Variants in TENM4 observed in about 807,000 individuals in gnomAD.
TENM4 encodes the protein teneurin-4.
Under a neutral mutation model 243.3 loss-of-function variants are expected in TENM4, and 82 were observed. That is an observed-to-expected ratio of 0.34 (90% CI 0.28 to 0.40). The LOEUF is 0.40. TENM4 is among the 10% of genes least tolerant of loss of function. TENM4 has a pLI of 1.00. For missense variants in TENM4, 3,138 were observed against 3,673.3 expected, an observed-to-expected ratio of 0.85 and a Z score of 3.77; for synonymous variants, 1,412 against 1,456.3, an observed-to-expected ratio of 0.97 and a Z score of 0.69.
intron 2 of TENM4, among the ~76,000 whole-genome samples, chr11:79,224,296 G>T (rs573841587): frequency 6.6e-6 from 1 of 152,272 alleles, no homozygotes; most frequent in South Asian, 2.1e-4. Context: ...TCAGGGCTGG[G>T]CACCTTAACA....
intron 10 of TENM4, 59 bp downstream of exon 10, chr11:78,862,903 C>G: frequency 3.0e-6 from 4 of 1,325,570 alleles, no homozygotes; most frequent in South Asian, 4.5e-5. Context: ...TTATGGAGGG[C>G]TCTTCAGCTC....
intron 1 of TENM4, among the ~76,000 whole-genome samples, chr11:79,389,589 C>T (rs1407077350): frequency 6.6e-6 from 1 of 152,224 alleles, no homozygotes; most frequent in African/African-American, 2.4e-5. Context: ...AAACTATGGG[C>T]CTCAGGCCAA....
At chr11:79,031,434 G>A (rs894413292) in intron 6 of TENM4, among the ~76,000 whole-genome samples, 2 of 152,110 alleles carry the variant, frequency 1.3e-5, no homozygotes, top group Non-Finnish European at 2.9e-5. Context: ...GAGTCAGCAG[G>A]GAAAGGAGCT....
At chr11:79,268,439 T>G (rs1443726185) in intron 2 of TENM4, among the ~76,000 whole-genome samples, 2 of 152,234 alleles carry the variant, frequency 1.3e-5, no homozygotes, top group Non-Finnish European at 2.9e-5. Flanking sequence ...ACTTCTTCTC[T>G]TTAAATCTTA....
At chr11:79,202,711 G>A (rs1173469799) in intron 3 of TENM4, among the ~76,000 whole-genome samples, 1 of 152,184 alleles carries the variant, frequency 6.6e-6, no homozygotes, top group African/African-American at 2.4e-5. Flanking sequence ...CACTGTGAGT[G>A]CTGGACATTC....
chr11:79,007,046 G>T (rs1858503082), intron 6 of TENM4, among the ~76,000 whole-genome samples: 1 of 152,164 alleles, frequency 6.6e-6, no homozygotes, highest in Non-Finnish European at 1.5e-5. Flanking sequence ...GATGGCCTTT[G>T]GACTTGGACG....
intron 1 of TENM4, among the ~76,000 whole-genome samples, chr11:79,363,850 A>G (rs750286605): frequency 2.6e-5 from 4 of 152,226 alleles, no homozygotes; most frequent in African/African-American, 9.6e-5. Flanking sequence ...TCATACACCA[A>G]TCTTTGCTAC....
At position 78,874,151 on chromosome 11, in the gene TENM4, C is replaced by A. The variant is rs567405830; in HGVS notation, c.1085-11019G>T. 3.3e-5 allele frequency among the ~76,000 whole-genome samples: 5 copies of A among 152,188 alleles called. No homozygotes were observed. The East Asian group carries it at 9.7e-4, about 29-fold the overall frequency. ...AGGCTTAGTACCCAGTGGAACAGAT[C>A]TGTAGAGAGACAGTAAGGCTCCCAG... is the stretch of plus-strand genomic sequence containing the variant. On this transcript the variant is annotated intron_variant, in intron 9 of 33. Coordinates refer to ENST00000278550, the MANE Select transcript of TENM4 (RefSeq NM_001098816.3).
At chr11:79,015,344 A>C (rs549950872) in intron 6 of TENM4, among the ~76,000 whole-genome samples, 67 of 152,354 alleles carry the variant, frequency 4.4e-4, no homozygotes, top group Admixed American at 4.2e-3. Flanking sequence ...CGCAGGAATT[A>C]TTCTCCAATG....
chr11:78,676,040 C>G, intron 30 of TENM4, 112 bp downstream of exon 30: 1 of 1,061,746 alleles, frequency 9.4e-7, no homozygotes, highest in East Asian at 2.6e-5. Flanking sequence ...TAGTTCTCCC[C>G]TTTTGCAGAT....
At chr11:78,795,268 T>A (rs76547003) in intron 15 of TENM4, among the ~76,000 whole-genome samples, 1,665 of 152,232 alleles carry the variant, frequency 0.011, 24 homozygotes, top group African/African-American at 0.037. Flanking sequence ...CCTGCCATCA[T>A]CAAATTAATC....
chr11:79,007,133 A>G (rs1177727805), intron 6 of TENM4, among the ~76,000 whole-genome samples: 1 of 152,202 alleles, frequency 6.6e-6, no homozygotes, highest in Non-Finnish European at 1.5e-5. Context: ...CATGTGAGCC[A>G]ATTCTTTAAA....
At chr11:79,397,700 G>GA (rs1348678360) in intron 1 of TENM4, among the ~76,000 whole-genome samples, 2 of 152,188 alleles carry the variant, frequency 1.3e-5, no homozygotes, top group Non-Finnish European at 2.9e-5. Context: ...CTCAGGTCTG[G>GA]GGGATCACAG....
chr11:79,432,943 T>A (rs566046492), intron 1 of TENM4, among the ~76,000 whole-genome samples: 1 of 152,136 alleles, frequency 6.6e-6, no homozygotes, highest in Non-Finnish European at 1.5e-5. Context: ...ACAGAAAGCA[T>A]TGAGTATGTG....
chr11:79,382,499 TC>T (rs1173031650), intron 1 of TENM4, among the ~76,000 whole-genome samples: 2 of 152,052 alleles, frequency 1.3e-5, no homozygotes, highest in Admixed American at 6.6e-5. Flanking sequence ...GCATCTGCAA[TC>T]CCCCATGCCC....
intron 2 of TENM4, among the ~76,000 whole-genome samples, chr11:79,273,154 A>G (rs989583993): frequency 6.6e-6 from 1 of 152,164 alleles, no homozygotes; most frequent in African/African-American, 2.4e-5. Context: ...TAGTTTCTCC[A>G]TCTGTAAAAT....
At chr11:78,767,669 A>G (rs1856566338) in intron 18 of TENM4, among the ~76,000 whole-genome samples, 1 of 152,238 alleles carries the variant, frequency 6.6e-6, no homozygotes, top group South Asian at 2.1e-4. Context: ...ACTCAACATT[A>G]AACTCTGTTA....
intron 6 of TENM4, among the ~76,000 whole-genome samples, chr11:79,016,652 C>T (rs1858782551): frequency 1.3e-5 from 2 of 152,142 alleles, no homozygotes; most frequent in Admixed American, 1.3e-4. Flanking sequence ...AAGGTGGAAA[C>T]TCTTAAATAA....
intron 3 of TENM4, among the ~76,000 whole-genome samples, chr11:79,181,906 T>C (rs984957814): frequency 2.7e-5 from 4 of 150,348 alleles, no homozygotes; most frequent in African/African-American, 9.8e-5. Flanking sequence ...ATGTACAATA[T>C]CTATATGAGG....
Sources: allele counts gnomAD v4.1 joint callset (sites outside exome capture counted in the v4.1 genomes callset), GRCh38; gene constraint gnomAD v4.1.1; transcripts MANE v1.5; gene names NCBI Gene and HGNC (gene_info 2026-07-23, HGNC 2026-07-21).